SPACA5: variants seen among roughly 807,000 people sequenced by gnomAD.
SPACA5 encodes the protein sperm acrosome-associated protein 5.
upstream of SPACA5, among the ~76,000 whole-genome samples, chrX:48,006,784 C>T (rs1349992800): frequency 7.4e-5 from 4 of 53,974 alleles, no homozygotes; most frequent in Non-Finnish European, 1.1e-4. Flanking sequence ...GAATTTGAGG[C>T]ACAGCGTGAC....
chrX:48,006,313 G>A (rs1205024675), upstream of SPACA5, among the ~76,000 whole-genome samples: 1 of 114,384 alleles, frequency 8.7e-6, no homozygotes, highest in Non-Finnish European at 1.9e-5. Context: ...TGAATGAATG[G>A]TGGTTTTATG....
chrX:48,004,504 C>A (rs2058992181), upstream of SPACA5: 2 of 69,675 alleles, frequency 2.9e-5, no homozygotes, highest in East Asian at 5.3e-4. Flanking sequence ...GGTATGCAGA[C>A]AAACAAGCTG....
chrX:48,006,440 T>G (rs1218159662), upstream of SPACA5, among the ~76,000 whole-genome samples: 2 of 114,833 alleles, frequency 1.7e-5, no homozygotes, highest in African/African-American at 6.3e-5. Context: ...AGAGTGGAGA[T>G]GGATACATGG....
upstream of SPACA5, among the ~76,000 whole-genome samples, chrX:48,006,711 G>C (rs1174553376): frequency 1.2e-4 from 10 of 86,941 alleles, no homozygotes; most frequent in Admixed American, 1.3e-3. Context: ...GTGGATGAAG[G>C]CTTCATGGCC....
upstream of SPACA5, among the ~76,000 whole-genome samples, chrX:48,006,168 G>C (rs2058995593): frequency 1.8e-5 from 2 of 113,377 alleles, no homozygotes; most frequent in African/African-American, 6.4e-5. Context: ...ATTATGATGA[G>C]ATTAAGTAAA....
At chrX:48,006,413 G>A (rs1182152304), upstream of SPACA5, among the ~76,000 whole-genome samples, 6 of 115,022 alleles carry the variant, frequency 5.2e-5, no homozygotes, top group South Asian at 3.3e-4. Context: ...AATGGGGTGC[G>A]GGAGGGACAG....
upstream of SPACA5, among the ~76,000 whole-genome samples, chrX:48,006,592 T>C (rs1373789814): frequency 2.9e-5 from 3 of 102,192 alleles, no homozygotes; most frequent in Non-Finnish European, 6.0e-5. Context: ...AATCGGCAAA[T>C]GTGAATGAGC....
chrX:48,006,029 T>C (rs1464135775), upstream of SPACA5, among the ~76,000 whole-genome samples: 1 of 102,418 alleles, frequency 9.8e-6, no homozygotes, highest in Non-Finnish European at 2.0e-5. Context: ...GAAGGGCAAA[T>C]TGGGAGTAAA....
At chrX:48,006,586 G>C (rs1457819226), upstream of SPACA5, among the ~76,000 whole-genome samples, 1 of 104,811 alleles carries the variant, frequency 9.5e-6, no homozygotes, top group Non-Finnish European at 2.0e-5. Flanking sequence ...AGTGGGAATC[G>C]GCAAATGTGA....
At chrX:48,004,653 C>T (rs1440665237), upstream of SPACA5, among the ~76,000 whole-genome samples, 4 of 14,656 alleles carry the variant, frequency 2.7e-4, no homozygotes. Context: ...GGGCCAGGTG[C>T]TGTAGGGCCT....
chrX:48,006,585 C>T (rs782277935), upstream of SPACA5, among the ~76,000 whole-genome samples: 7 of 104,514 alleles, frequency 6.7e-5, no homozygotes, highest in African/African-American at 2.1e-4. Context: ...CAGTGGGAAT[C>T]GGCAAATGTG....
chrX:48,006,567 A>G (rs1295638218), upstream of SPACA5, among the ~76,000 whole-genome samples: 146 of 109,647 alleles, frequency 1.3e-3, no homozygotes, highest in Non-Finnish European at 2.0e-3. Context: ...GTGGGTGCAC[A>G]GGGATCCCAG....
chrX:48,006,170 TTAAG>T (rs1556902702), upstream of SPACA5, among the ~76,000 whole-genome samples: 1 of 112,904 alleles, frequency 8.9e-6, no homozygotes, highest in Non-Finnish European at 1.9e-5. Context: ...TATGATGAGA[TTAAG>T]TAAATGATGG....
chrX:48,004,426 A>G (rs1556902416), upstream of SPACA5: 1 of 93,749 alleles, frequency 1.1e-5, no homozygotes, highest in Non-Finnish European at 2.1e-5. Flanking sequence ...AGGTAGGGAA[A>G]AGCCACTGGC....
chrX:48,006,475 G>T (rs1377761272), upstream of SPACA5, among the ~76,000 whole-genome samples: 1 of 114,917 alleles, frequency 8.7e-6, no homozygotes, highest in Non-Finnish European at 1.9e-5. Context: ...GGCCGAGTTT[G>T]AGTGTGGGTG....
chrX:48,006,721 C>T (rs1379219467), upstream of SPACA5, among the ~76,000 whole-genome samples: 1 of 83,843 alleles, frequency 1.2e-5, no homozygotes, highest in Non-Finnish European at 2.4e-5. Flanking sequence ...GCTTCATGGC[C>T]TCGGGTGAGT....
chrX:48,006,094 G>A (rs1410441639), upstream of SPACA5, among the ~76,000 whole-genome samples: 1 of 108,516 alleles, frequency 9.2e-6, no homozygotes, highest in African/African-American at 3.3e-5. Context: ...ACACCAGAGT[G>A]GAGTGGATGT....
At chrX:48,004,478 T>A, upstream of SPACA5, 1 of 78,639 alleles carries the variant, frequency 1.3e-5, no homozygotes, top group African/African-American at 4.8e-5. Context: ...TTGTAGCGTT[T>A]GAAGGACGGT....
chrX:48,006,287 A>G (rs1175182488), upstream of SPACA5, among the ~76,000 whole-genome samples: 6 of 113,788 alleles, frequency 5.3e-5, no homozygotes, highest in East Asian at 1.4e-3. Context: ...TTATGTGAGT[A>G]CTGAGGATTA....
Sources: allele counts gnomAD v4.1 joint callset (sites outside exome capture counted in the v4.1 genomes callset), GRCh38; gene constraint gnomAD v4.1.1; transcripts MANE v1.5; gene names NCBI Gene and HGNC (gene_info 2026-07-23, HGNC 2026-07-21).